CNBD1: variants seen among roughly 807,000 people sequenced by gnomAD.
CNBD1 encodes cyclic nucleotide binding domain containing 1, also known as cyclic nucleotide-binding domain-containing protein 1.
Under a neutral mutation model 54.4 loss-of-function variants are expected in CNBD1, and 71 were observed. The observed-to-expected ratio is 1.30, with a 90% CI of 1.08 to 1.59. CNBD1 has a LOEUF of 1.59. Ranked by LOEUF, CNBD1 falls within the 40% of genes most tolerant of loss-of-function variation. The pLI, the probability that CNBD1 is intolerant of heterozygous loss-of-function variation, is 0.00. For synonymous variants in CNBD1, 182 were observed against 170.7 expected (o/e 1.07, Z -0.51); for missense variants, 659 against 518.0 (o/e 1.27, Z -2.64).
chr8:87,119,592 C>T (rs993667380), intron 4 of CNBD1, among the ~76,000 whole-genome samples: 7 of 152,038 alleles, frequency 4.6e-5, no homozygotes, highest in African/African-American at 7.2e-5. Context: ...TGCCTGATTG[C>T]TCTTGCTAGG....
chr8:86,927,361 G>T lies in CNBD1; in HGVS notation c.273-12235G>T, dbSNP rs549937183. On this transcript the variant is annotated intron_variant, in intron 3 of 10. Transcript: ENST00000518476. The stretch of plus-strand genomic sequence containing the variant: ...GTCCAGGGGTGAATGGTCATGCAGG[G>T]AGTATGCTTGCCATTACAAAACCCA... Among the ~76,000 whole-genome samples the T allele has an allele frequency of 7.3e-4, 111 of 152,258 alleles. 2 individuals carry two copies. The highest frequency in any genetic ancestry group is 5.2e-3 in the Admixed American group (80 of 15,278).
chr8:87,420,498 AAG>A (rs1807912155), intron 2 of CNBD1, among the ~76,000 whole-genome samples: 1 of 152,112 alleles, frequency 6.6e-6, no homozygotes, highest in Admixed American at 6.6e-5. Flanking sequence ...GTGAGAAAAA[AAG>A]AGAAAAGTTT....
At position 87,172,514 on chromosome 8, in the gene CNBD1, C is replaced by T. The variant is rs564928717; in HGVS notation, c.432-33479C>T. Among the ~76,000 whole-genome samples the T allele has an allele frequency of 1.8e-4, 27 of 151,842 alleles. 1 individual carries two copies. The East Asian group carries it at 5.2e-3, about 29-fold the overall frequency. On this transcript the variant is annotated intron_variant, in intron 4 of 10. Transcript: ENST00000518476. ...GTTTGAGGTCTCTCTCTCTCTCTCT[C>T]TTTAGCTCTAATAATATTTGCTTTA... is the stretch of plus-strand genomic sequence containing the variant.
chr8:87,288,219 G>T (rs960358241), intron 8 of CNBD1, among the ~76,000 whole-genome samples: 1 of 151,718 alleles, frequency 6.6e-6, no homozygotes, highest in East Asian at 1.9e-4. Flanking sequence ...TTTTTCTAAC[G>T]TAGCATATTA....
intron 4 of CNBD1, among the ~76,000 whole-genome samples, chr8:87,122,544 C>T (rs1303645826): frequency 6.6e-6 from 1 of 151,570 alleles, no homozygotes; most frequent in African/African-American, 2.4e-5. Flanking sequence ...AGTTTGATGC[C>T]ATCACTTTCG....
chr8:87,331,221 C>T (rs1290928590), intron 8 of CNBD1, among the ~76,000 whole-genome samples: 1 of 152,062 alleles, frequency 6.6e-6, no homozygotes, highest in Non-Finnish European at 1.5e-5. Flanking sequence ...CCCCTTGCAC[C>T]CCGCTGACAG....
At chr8:87,084,296 A>AT (rs1241898339) in intron 4 of CNBD1, among the ~76,000 whole-genome samples, 2 of 152,106 alleles carry the variant, frequency 1.3e-5, no homozygotes, top group Non-Finnish European at 2.9e-5. Context: ...CTTTATTTAG[A>AT]TTCAGTTTCT....
intron 3 of CNBD1, among the ~76,000 whole-genome samples, chr8:86,935,197 G>C (rs1025979003): frequency 8.5e-5 from 13 of 152,066 alleles, no homozygotes; most frequent in African/African-American, 3.1e-4. Flanking sequence ...CACCATGCCT[G>C]GCTAATTTTT....
intron 4 of CNBD1, among the ~76,000 whole-genome samples, chr8:86,981,185 G>A (rs11994946): frequency 0.019 from 2,945 of 152,268 alleles, 96 homozygotes; most frequent in African/African-American, 0.06. Context: ...GTGCGTGCGC[G>A]CGCGCATTGT....
intron 4 of CNBD1, among the ~76,000 whole-genome samples, chr8:87,064,791 T>C (rs1228263759): frequency 6.6e-6 from 1 of 151,970 alleles, no homozygotes; most frequent in Non-Finnish European, 1.5e-5. Flanking sequence ...TTTATCTTAT[T>C]TTGAATTTAA....
intron 1 of CNBD1, among the ~76,000 whole-genome samples, chr8:86,883,901 C>T (rs1586109751): frequency 6.6e-6 from 1 of 152,082 alleles, no homozygotes; most frequent in Non-Finnish European, 1.5e-5. Flanking sequence ...CCTGTAATCC[C>T]AGCACTTTGG....
At chr8:86,905,054 C>G (rs979107677) in intron 2 of CNBD1, 27 bp from the exon 3 acceptor site, 4 of 1,406,462 alleles carry the variant, frequency 2.8e-6, no homozygotes, top group African/African-American at 2.9e-5. Context: ...ATGACACTTA[C>G]AATTTAATTT....
chr8:87,117,023 G>A lies in CNBD1; in HGVS notation c.432-88970G>A, dbSNP rs746232390. Among the ~76,000 whole-genome samples, 8 of 152,012 alleles carry A rather than the reference G, an allele frequency of 5.3e-5. No individual in the cohort carries two copies. In the East Asian group the frequency reaches 5.8e-4, roughly 11 times the overall value. On this transcript the variant is annotated intron_variant, in intron 4 of 10. Coordinates refer to ENST00000518476, the MANE Select transcript of CNBD1 (RefSeq NM_173538.3). Reference sequence around the variant, plus strand: ...GCTATTTGTCTTCATCCCCTACCACGGTGTATGGCACATAAACATCACGAA... The same window carrying A: ...GCTATTTGTCTTCATCCCCTACCACAGTGTATGGCACATAAACATCACGAA...
intron 10 of CNBD1, among the ~76,000 whole-genome samples, chr8:87,360,793 G>T (rs1053650912): frequency 2.0e-5 from 3 of 151,782 alleles, no homozygotes. Context: ...CAATTCCAAG[G>T]TGTTATTGGT....
intron 8 of CNBD1, among the ~76,000 whole-genome samples, chr8:87,331,058 TA>T (rs1400663094): frequency 6.6e-6 from 1 of 152,202 alleles, no homozygotes; most frequent in Non-Finnish European, 1.5e-5. Context: ...TTTTATTCTT[TA>T]TTTTTTTACT....
chr8:87,181,558 T>C (rs560720742), intron 4 of CNBD1, among the ~76,000 whole-genome samples: 10 of 152,342 alleles, frequency 6.6e-5, no homozygotes, highest in Non-Finnish European at 1.2e-4. Context: ...TCTGTAAAGC[T>C]GTCACCTCCC....
At chr8:87,112,195 G>A in intron 4 of CNBD1, among the ~76,000 whole-genome samples, 1 of 152,136 alleles carries the variant, frequency 6.6e-6, no homozygotes, top group East Asian at 1.9e-4. Context: ...TTTAATGTGG[G>A]CCATTGTCTT....
At chr8:87,347,043 ATTGCT>A (rs1263389324) in intron 8 of CNBD1, among the ~76,000 whole-genome samples, 2 of 152,096 alleles carry the variant, frequency 1.3e-5, no homozygotes, top group Non-Finnish European at 2.9e-5. Flanking sequence ...CACTGAGAGT[ATTGCT>A]CTTTGGGGGC....
At chr8:87,081,618 G>C (rs1810995007) in intron 4 of CNBD1, among the ~76,000 whole-genome samples, 1 of 151,120 alleles carries the variant, frequency 6.6e-6, no homozygotes, top group Non-Finnish European at 1.5e-5. Flanking sequence ...CGATTCTCCT[G>C]CCGCAGCCTC....
Sources: allele counts gnomAD v4.1 joint callset (sites outside exome capture counted in the v4.1 genomes callset), GRCh38; gene constraint gnomAD v4.1.1; transcripts MANE v1.5; gene names NCBI Gene and HGNC (gene_info 2026-07-23, HGNC 2026-07-21).